SHLD2: variants seen among roughly 807,000 people sequenced by gnomAD.
SHLD2 encodes the protein RINN1-REV7-interacting novel NHEJ regulator 2.
SHLD2 carries 30 observed loss-of-function variants against 73.2 expected under a neutral mutation model. The observed-to-expected ratio is 0.41, with a 90% CI of 0.31 to 0.56. The LOEUF is 0.56. SHLD2 is among the 20% of genes least tolerant of loss of function. SHLD2 has a pLI of 0.28. For missense variants in SHLD2, 745 were observed against 1,055.9 expected (o/e 0.71, Z 4.08); for synonymous variants, 285 against 370.1 (o/e 0.77, Z 2.64).
chr10:87,103,854 T>C (rs1011723136), intron 2 of SHLD2, among the ~76,000 whole-genome samples: 1 of 152,204 alleles, frequency 6.6e-6, no homozygotes, highest in African/African-American at 2.4e-5. Context: ...GGTTAAGGGT[T>C]CCTTTCATGT....
At chr10:87,158,806 C>A (rs1238436344) in intron 4 of SHLD2, among the ~76,000 whole-genome samples, 1 of 152,148 alleles carries the variant, frequency 6.6e-6, no homozygotes, top group Non-Finnish European at 1.5e-5. Flanking sequence ...TGGTTATGGT[C>A]ACTGGACTCA....
At chr10:87,170,180 T>C (rs925406436) in intron 4 of SHLD2, among the ~76,000 whole-genome samples, 3 of 152,136 alleles carry the variant, frequency 2.0e-5, no homozygotes, top group African/African-American at 4.8e-5. Flanking sequence ...AACAGAAATT[T>C]TCTGTTTGGT....
At chr10:87,145,630 A>C (rs1412511821) in intron 2 of SHLD2, among the ~76,000 whole-genome samples, 1 of 151,698 alleles carries the variant, frequency 6.6e-6, no homozygotes, top group African/African-American at 2.4e-5. Flanking sequence ...TTAATGATAC[A>C]TGTTTTGTAA....
intron 6 of SHLD2, 46 bp from the exon 7 acceptor site, chr10:87,175,843 A>T: frequency 6.5e-7 from 1 of 1,532,744 alleles, no homozygotes; most frequent in Admixed American, 2.0e-5. Context: ...CTAAGCCTAG[A>T]TTTTTTTCCT....
intron 2 of SHLD2, among the ~76,000 whole-genome samples, chr10:87,145,048 CT>C (rs1364310251): frequency 6.9e-6 from 1 of 144,462 alleles, no homozygotes; most frequent in Non-Finnish European, 1.5e-5. Flanking sequence ...TCACGCCATT[CT>C]TCTGCCTCAG....
intron 2 of SHLD2, among the ~76,000 whole-genome samples, chr10:87,122,457 G>A (rs1843698470): frequency 1.3e-5 from 2 of 152,104 alleles, no homozygotes; most frequent in African/African-American, 4.8e-5. Context: ...GCTTTTAGCA[G>A]CCTGAAGCCA....
At chr10:87,187,428 A>G (rs1047904799) in intron 9 of SHLD2, among the ~76,000 whole-genome samples, 1 of 152,210 alleles carries the variant, frequency 6.6e-6, no homozygotes, top group Non-Finnish European at 1.5e-5. Flanking sequence ...CTTAACCTAC[A>G]TTTCCTGTTG....
chr10:87,113,154 A>G lies in SHLD2; in HGVS notation c.-6+16165A>G, dbSNP rs548526826. ...CACCTGACCAACATGGAGAAACCCC[A>G]TCTCTACTAAAAATACAAAATTAGC... is the stretch of plus-strand genomic sequence containing the variant. On this transcript the variant is annotated intron_variant, in intron 2 of 9. Transcript: ENST00000298786. Among the ~76,000 whole-genome samples the G allele has an allele frequency of 8.5e-5, 13 of 152,226 alleles. No individual in the cohort carries two copies. In the East Asian group the frequency reaches 2.5e-3, roughly 29 times the overall value.
chr10:87,150,704 G>T (rs935976298), intron 2 of SHLD2, among the ~76,000 whole-genome samples: 2 of 151,696 alleles, frequency 1.3e-5, no homozygotes, highest in Non-Finnish European at 2.9e-5. Context: ...ACGTTGCAGT[G>T]AGCCTAGATG....
rs749182943 is a variant in SHLD2 at position 87,180,342 on chromosome 10, T to C, written c.2399+39T>C. ...GCAAGCCAATTTGATGGAAAATAAT[T>C]ATTATAGATCTGGAAAAATTAGTCT... On this transcript the variant is annotated intron_variant, in intron 8 of 9. Transcript: ENST00000298786. 2.6e-4 allele frequency: 419 copies of C among 1,586,866 alleles called. 2 individuals carry two copies. Among genetic ancestry groups the C allele is most frequent in the South Asian group, 3.1e-4 (27 of 88,360 alleles).
chr10:87,171,724 C>A (rs1847605192), intron 6 of SHLD2, among the ~76,000 whole-genome samples: 1 of 152,154 alleles, frequency 6.6e-6, no homozygotes. Context: ...CTTCTGCCTT[C>A]CAAATAGTTA....
chr10:87,169,277 C>T (rs975860640), intron 4 of SHLD2, among the ~76,000 whole-genome samples: 1 of 152,186 alleles, frequency 6.6e-6, no homozygotes, highest in African/African-American at 2.4e-5. Context: ...TCTTCTGATT[C>T]CAGATTTGCT....
At chr10:87,174,911 C>T (rs1283987014) in intron 6 of SHLD2, among the ~76,000 whole-genome samples, 1 of 151,802 alleles carries the variant, frequency 6.6e-6, no homozygotes, top group East Asian at 1.9e-4. Flanking sequence ...GTCAGGAGAT[C>T]GAGACCATCC....
At chr10:87,103,363 T>C (rs539125514) in intron 2 of SHLD2, among the ~76,000 whole-genome samples, 10 of 152,178 alleles carry the variant, frequency 6.6e-5, no homozygotes, top group Non-Finnish European at 1.3e-4. Flanking sequence ...GGAAACAGCA[T>C]AGGCAAAGCT....
intron 2 of SHLD2, among the ~76,000 whole-genome samples, chr10:87,109,778 A>C (rs1385819666): frequency 6.6e-6 from 1 of 152,212 alleles, no homozygotes; most frequent in Non-Finnish European, 1.5e-5. Context: ...TGGAGTCTAC[A>C]TGACAAATTC....
At chr10:87,125,471 G>A (rs1357725132) in intron 2 of SHLD2, among the ~76,000 whole-genome samples, 3 of 152,214 alleles carry the variant, frequency 2.0e-5, no homozygotes, top group Non-Finnish European at 4.4e-5. Context: ...TGTGGTGGCT[G>A]ACGCCTGTAA....
intron 2 of SHLD2, among the ~76,000 whole-genome samples, chr10:87,138,404 T>C (rs1344918952): frequency 1.3e-5 from 2 of 149,828 alleles, no homozygotes; most frequent in African/African-American, 4.9e-5. Context: ...TTAACCTAGA[T>C]TTCTATGGCC....
chr10:87,146,780 A>G (rs1230282273), intron 2 of SHLD2, among the ~76,000 whole-genome samples: 4 of 151,724 alleles, frequency 2.6e-5, no homozygotes, highest in African/African-American at 9.7e-5. Flanking sequence ...TGTGCCGCCC[A>G]GCGTGGTGGC....
At chr10:87,130,620 A>G (rs941459749) in intron 2 of SHLD2, among the ~76,000 whole-genome samples, 4 of 152,122 alleles carry the variant, frequency 2.6e-5, no homozygotes, top group African/African-American at 9.7e-5. Context: ...ACCTGTTTCT[A>G]CAGGCGCTAT....
Sources: gnomAD v4.1 joint callset for allele counts (sites outside exome capture counted in the v4.1 genomes callset) on GRCh38, gnomAD v4.1.1 for gene constraint, MANE v1.5 for transcripts, NCBI Gene and HGNC (gene_info 2026-07-23, HGNC 2026-07-21) for gene names.